TENM3: variants seen among roughly 807,000 people sequenced by gnomAD.
TENM3 encodes teneurin-3.
In TENM3, 63 loss-of-function variants were observed where a neutral mutation model predicts 255.1. That is an observed-to-expected ratio of 0.25 (90% confidence interval 0.20 to 0.30). TENM3 has a LOEUF of 0.30. Among genes scored for constraint, TENM3 ranks in the 10% least tolerant of loss-of-function variants. TENM3 has a pLI of 1.00. For missense variants in TENM3, 2,929 were observed against 3,461.1 expected, an observed-to-expected ratio of 0.85 and a Z score of 3.86; for synonymous variants, 1,306 against 1,322.3, an observed-to-expected ratio of 0.99 and a Z score of 0.27.
chr4:182,176,821 A>AATTTTTTTTTTT (rs1561169609), intron 1 of TENM3, among the ~76,000 whole-genome samples: 1 of 113,356 alleles, frequency 8.8e-6, no homozygotes, highest in Non-Finnish European at 1.8e-5. Flanking sequence ...CATCCGGCTA[A>AATTTTTTTTTTT]TTTTTTTTTT....
chr4:182,399,138 G>A (rs1311539900), intron 3 of TENM3, among the ~76,000 whole-genome samples: 2 of 152,166 alleles, frequency 1.3e-5, no homozygotes, highest in Admixed American at 6.5e-5. Context: ...CATACAATCC[G>A]TAGAGCTAAG....
the TENM3 span, among the ~76,000 whole-genome samples, chr4:181,655,564 TTGGGTCAGTGCTATGGCCACCTGCCA>T: frequency 6.6e-6 from 1 of 152,182 alleles, no homozygotes; most frequent in Non-Finnish European, 1.5e-5. Flanking sequence ...TAAAATACTC[TTGGGTCAGTGCTATGGCCACCTGCCA>T]TGTGGTTTGA....
chr4:181,688,252 T>A, the TENM3 span, among the ~76,000 whole-genome samples: 2 of 152,152 alleles, frequency 1.3e-5, no homozygotes, highest in African/African-American at 4.8e-5. Flanking sequence ...AACCCAAAAT[T>A]GAGCATGGTT....
the TENM3 span, among the ~76,000 whole-genome samples, chr4:181,722,013 T>G: frequency 6.6e-6 from 1 of 152,052 alleles, no homozygotes; most frequent in Non-Finnish European, 1.5e-5. Flanking sequence ...ACATAAAAAT[T>G]TAGAGTCAAC....
the TENM3 span, among the ~76,000 whole-genome samples, chr4:181,594,908 C>CA: frequency 4.6e-5 from 7 of 152,098 alleles, no homozygotes; most frequent in East Asian, 1.2e-3. Context: ...TTGCTTGGAC[C>CA]AAAAAATGTA....
intron 5 of TENM3, among the ~76,000 whole-genome samples, chr4:182,643,800 A>G (rs1251917964): frequency 6.6e-6 from 1 of 152,232 alleles, no homozygotes; most frequent in Non-Finnish European, 1.5e-5. Context: ...ACCACAGTGA[A>G]TGTGAAGTGA....
At chr4:181,546,424 T>C in the TENM3 span, among the ~76,000 whole-genome samples, 6 of 152,152 alleles carry the variant, frequency 3.9e-5, no homozygotes, top group Non-Finnish European at 7.3e-5. Flanking sequence ...TCTACAGAAA[T>C]GGCACCTGAG....
At chr4:181,874,015 C>G in the TENM3 span, among the ~76,000 whole-genome samples, 3 of 152,104 alleles carry the variant, frequency 2.0e-5, no homozygotes, top group Non-Finnish European at 4.4e-5. Flanking sequence ...AATATCCTGA[C>G]CTGGTGATTC....
the TENM3 span, among the ~76,000 whole-genome samples, chr4:181,984,732 A>G: frequency 1.3e-5 from 2 of 151,860 alleles, no homozygotes; most frequent in African/African-American, 2.4e-5. Flanking sequence ...CATAAATTTT[A>G]AAAGAAATAC....
the TENM3 span, among the ~76,000 whole-genome samples, chr4:181,641,758 GTATA>G: frequency 9.8e-6 from 1 of 101,926 alleles, no homozygotes; most frequent in Non-Finnish European, 1.9e-5. Context: ...ACCATGGTGT[GTATA>G]TATATATATA....
At chr4:182,051,539 G>A in the TENM3 span, among the ~76,000 whole-genome samples, 49 of 151,832 alleles carry the variant, frequency 3.2e-4, no homozygotes, top group African/African-American at 1.0e-3. Flanking sequence ...CACCGCGCTC[G>A]GCTAATTTTT....
chr4:181,810,882 G>C, the TENM3 span, among the ~76,000 whole-genome samples: 1 of 152,112 alleles, frequency 6.6e-6, no homozygotes, highest in African/African-American at 2.4e-5. Context: ...AGTGTGGGAA[G>C]ATGATGTAGC....
At chr4:182,566,833 G>A (rs1195251732) in intron 3 of TENM3, among the ~76,000 whole-genome samples, 6 of 152,170 alleles carry the variant, frequency 3.9e-5, no homozygotes. Flanking sequence ...CATAGCAGAC[G>A]CACAGGTGTG....
At chr4:182,568,649 A>G (rs1274156293) in intron 3 of TENM3, among the ~76,000 whole-genome samples, 3 of 152,236 alleles carry the variant, frequency 2.0e-5, no homozygotes, top group African/African-American at 7.2e-5. Flanking sequence ...TGTACTCTTC[A>G]ATATTTATCA....
intron 3 of TENM3, among the ~76,000 whole-genome samples, chr4:182,393,811 A>C (rs1168544942): frequency 6.6e-6 from 1 of 152,198 alleles, no homozygotes; most frequent in Admixed American, 6.5e-5. Context: ...CATGTTCATC[A>C]TAATAATGAT....
At chr4:182,579,628 A>AT (rs1274484453) in intron 3 of TENM3, among the ~76,000 whole-genome samples, 1 of 152,146 alleles carries the variant, frequency 6.6e-6, no homozygotes, top group African/African-American at 2.4e-5. Flanking sequence ...TTCCTTTAAG[A>AT]TTTTTTAGTA....
the TENM3 span, among the ~76,000 whole-genome samples, chr4:181,453,333 G>A: frequency 6.6e-6 from 1 of 152,148 alleles, no homozygotes; most frequent in Non-Finnish European, 1.5e-5. Context: ...CTTGGGGAGG[G>A]ACAGCAGATT....
the TENM3 span, among the ~76,000 whole-genome samples, chr4:181,926,966 C>A: frequency 6.6e-6 from 1 of 152,030 alleles, no homozygotes; most frequent in Non-Finnish European, 1.5e-5. Flanking sequence ...CTGTGAGGAA[C>A]GGTGCACTCC....
chr4:182,623,871 C>T (rs952882211), intron 4 of TENM3, among the ~76,000 whole-genome samples: 1 of 152,236 alleles, frequency 6.6e-6, no homozygotes, highest in Non-Finnish European at 1.5e-5. Flanking sequence ...ACTCTGCCAT[C>T]TCTTTGCTTC....
Sources: gnomAD v4.1 joint callset for allele counts (sites outside exome capture counted in the v4.1 genomes callset) on GRCh38, gnomAD v4.1.1 for gene constraint, MANE v1.5 for transcripts, NCBI Gene and HGNC (gene_info 2026-07-23, HGNC 2026-07-21) for gene names.